The following DAG1 variants were observed in gnomAD, a reference collection of about 807,000 sequenced individuals.
DAG1 encodes dystroglycan 1 (dystrophin-associated glycoprotein 1).
A neutral mutation model predicts 46.1 loss-of-function variants in DAG1; 8 were observed. The observed-to-expected ratio is 0.17, with a 90% CI of 0.10 to 0.31. DAG1 has a LOEUF of 0.31. Ranked by LOEUF, DAG1 falls within the 10% of genes least tolerant of loss-of-function variation. The pLI is 1.00. For missense variants in DAG1, 1,003 were observed against 1,189.9 expected, an observed-to-expected ratio of 0.84 and a Z score of 2.31; for synonymous variants, 495 against 481.8, an observed-to-expected ratio of 1.03 and a Z score of -0.36.
upstream of DAG1, among the ~76,000 whole-genome samples, chr3:49,469,639 G>T (rs2049454329): frequency 6.6e-6 from 1 of 152,234 alleles, no homozygotes; most frequent in African/African-American, 2.4e-5. Context: ...CCAGCCTGCT[G>T]TGGGCGAGGC....
chr3:49,490,922 G>C (rs2050165177), intron 1 of DAG1, among the ~76,000 whole-genome samples: 1 of 121,036 alleles, frequency 8.3e-6, no homozygotes, highest in Non-Finnish European at 1.6e-5. Context: ...GTCTCACTCT[G>C]TTGTCTTGGT....
intron 2 of DAG1, among the ~76,000 whole-genome samples, chr3:49,514,149 G>A (rs980212610): frequency 2.0e-5 from 3 of 152,122 alleles, no homozygotes; most frequent in Non-Finnish European, 2.9e-5. Context: ...GTGACTCTTC[G>A]TTCCAGTCTT....
intron 1 of DAG1, among the ~76,000 whole-genome samples, chr3:49,498,971 G>A (rs2050379895): frequency 6.6e-6 from 1 of 152,172 alleles, no homozygotes; most frequent in Admixed American, 6.5e-5. Context: ...CGGCCTCCCA[G>A]AGTACTGGGA....
intron 1 of DAG1, among the ~76,000 whole-genome samples, chr3:49,495,696 C>T (rs756772327): frequency 1.3e-5 from 2 of 151,954 alleles, no homozygotes; most frequent in African/African-American, 2.4e-5. Context: ...CTGAGGCGAG[C>T]GGATCACAAT....
At chr3:49,515,027 G>T (rs1274766320) in intron 2 of DAG1, among the ~76,000 whole-genome samples, 1 of 152,058 alleles carries the variant, frequency 6.6e-6, no homozygotes, top group Non-Finnish European at 1.5e-5. Context: ...ACCCGGCTAG[G>T]GTTTCACCAT....
At chr3:49,487,012 A>T (rs1481695433) in intron 1 of DAG1, among the ~76,000 whole-genome samples, 5 of 151,792 alleles carry the variant, frequency 3.3e-5, no homozygotes, top group Admixed American at 3.3e-4. Context: ...GTCTCAGCCT[A>T]ACCAGTAGCT....
chr3:49,489,292 A>C (rs1189640886), intron 1 of DAG1, among the ~76,000 whole-genome samples: 4 of 152,110 alleles, frequency 2.6e-5, no homozygotes, highest in African/African-American at 7.2e-5. Context: ...GGGTTTCTCC[A>C]TGTTGGTCGG....
At chr3:49,507,511 C>T (rs533442228) in intron 1 of DAG1, among the ~76,000 whole-genome samples, 6 of 151,772 alleles carry the variant, frequency 4.0e-5, no homozygotes, top group Non-Finnish European at 5.9e-5. Flanking sequence ...TACAGTGAGC[C>T]GAGATTGTGC....
At chr3:49,522,088 G>C (rs2051043605) in intron 2 of DAG1, among the ~76,000 whole-genome samples, 1 of 151,872 alleles carries the variant, frequency 6.6e-6, no homozygotes, top group Non-Finnish European at 1.5e-5. Context: ...GGAGTGCAAT[G>C]GTGTGATCTC....
intron 1 of DAG1, among the ~76,000 whole-genome samples, chr3:49,499,986 T>G (rs2050403268): frequency 6.6e-6 from 1 of 151,936 alleles, no homozygotes; most frequent in Admixed American, 6.6e-5. Flanking sequence ...TCTTTTTTTT[T>G]TTTTTTGAGA....
intron 2 of DAG1, among the ~76,000 whole-genome samples, chr3:49,526,183 ACT>A (rs2107833564): frequency 1.3e-5 from 2 of 152,256 alleles, no homozygotes; most frequent in Non-Finnish European, 2.9e-5. Context: ...TCTTGTGAGA[ACT>A]CTGTCATGAG....
At chr3:49,472,288 G>C (rs977489380) in intron 1 of DAG1, among the ~76,000 whole-genome samples, 1 of 152,136 alleles carries the variant, frequency 6.6e-6, no homozygotes, top group Non-Finnish European at 1.5e-5. Flanking sequence ...AGGTAGTACA[G>C]AGGGGATGTC....
At chr3:49,480,938 T>A (rs1380216386) in intron 1 of DAG1, among the ~76,000 whole-genome samples, 6 of 125,922 alleles carry the variant, frequency 4.8e-5, no homozygotes, top group Admixed American at 4.8e-4. Flanking sequence ...ATTTTTTGTA[T>A]TTTTAGTAGA....
chr3:49,475,463 T>C (rs1206203795), intron 1 of DAG1, among the ~76,000 whole-genome samples: 1 of 133,922 alleles, frequency 7.5e-6, no homozygotes, highest in East Asian at 2.3e-4. Context: ...CTGGAGTGCA[T>C]GGCGCGATCT....
Position 49,532,718 on chromosome 3 carries a change from T to G in DAG1, c.2207T>G (p.Val736Gly). 6.2e-7 allele frequency: 1 copy of G among 1,614,118 alleles called. No homozygotes were observed. Among genetic ancestry groups the G allele is most frequent in the Non-Finnish European group, 8.5e-7 (1 of 1,180,030 alleles). ...RVPSEAPPTE[V>G]PDRDPEKSSE... ...CCCTCAGAGGCGCCGCCCACAGAAG[T>G]GCCTGACAGGGACCCTGAGAAGAGC... Residue 736 changes from valine to glycine, a missense_variant, in exon 3 of 3, where the codon GTG (valine) becomes GGG (glycine). By Grantham distance (109) the Val-to-Gly change is moderately radical. Transcript: ENST00000308775. The surrounding 1 kb of genome is among the most constrained non-coding windows in gnomAD (Gnocchi z 5.4).
chr3:49,490,881 T>C (rs2050162668), intron 1 of DAG1, among the ~76,000 whole-genome samples: 1 of 78,382 alleles, frequency 1.3e-5, no homozygotes. Flanking sequence ...TCCTAAATTC[T>C]TTTTTTTTTT....
chr3:49,526,835 C>T (rs996006945), intron 2 of DAG1, among the ~76,000 whole-genome samples: 2 of 152,192 alleles, frequency 1.3e-5, no homozygotes, highest in Non-Finnish European at 2.9e-5. Context: ...TTATAACTTG[C>T]TTTGGTGAAA....
At position 49,532,088 on chromosome 3, in the gene DAG1, A is replaced by G; in HGVS notation, c.1577A>G (p.His526Arg). ...ATCCCGTCAGACACTTTCTATGACC[A>G]TGAGGACACCACCACTGACAAGCTG... Reference protein sequence around the residue: ...VKIPSDTFYDHEDTTTDKLKL... With the variant: ...VKIPSDTFYDREDTTTDKLKL... The change falls in exon 3 of 3, where the codon CAT becomes CGT. Residue 526 changes from histidine to arginine, a missense_variant. This residue lies in a region of DAG1 where 755 missense variants were observed against 854.1 expected (regional missense o/e 0.88). Transcript: ENST00000308775. The surrounding 1 kb of genome is among the most constrained non-coding windows in gnomAD (Gnocchi z 5.4). 2 of 1,614,218 alleles carry G rather than the reference A, an allele frequency of 1.2e-6. No homozygotes were observed. The highest frequency in any genetic ancestry group is 1.7e-6 in the Non-Finnish European group (2 of 1,180,044).
intron 2 of DAG1, among the ~76,000 whole-genome samples, chr3:49,518,031 G>A (rs944808788): frequency 6.6e-6 from 1 of 152,178 alleles, no homozygotes; most frequent in African/African-American, 2.4e-5. Flanking sequence ...TCCGTAAGGG[G>A]CTTTTCAAAG....
Sources: gnomAD v4.1 joint callset for allele counts (sites outside exome capture counted in the v4.1 genomes callset) on GRCh38, gnomAD v4.1.1 for gene constraint, gnomAD v4.1.1 regional missense constraint, Gnocchi (gnomAD v3.1) non-coding constraint, MANE v1.5 for transcripts, NCBI Gene and HGNC (gene_info 2026-07-23, HGNC 2026-07-21) for gene names.